SMC1A: variants seen among roughly 807,000 people sequenced by gnomAD.
SMC1A encodes the protein structural maintenance of chromosomes 1A.
Under a neutral mutation model 94.5 loss-of-function variants are expected in SMC1A, and 4 were observed. That is an observed-to-expected ratio of 0.04 (90% CI 0.02 to 0.10). The LOEUF (loss-of-function observed/expected upper bound fraction) is 0.10, where lower values mean the gene tolerates loss of function less well. Among genes scored for constraint, SMC1A ranks in the 10% least tolerant of loss-of-function variants. The pLI, the probability that SMC1A is intolerant of heterozygous loss-of-function variation, is 1.00. For missense variants in SMC1A, 304 were observed against 989.0 expected (o/e 0.31, Z 9.29); for synonymous variants, 345 against 347.7 (o/e 0.99, Z 0.09).
At chrX:53,387,789 T>C (rs2075610898) in intron 19 of SMC1A, among the ~76,000 whole-genome samples, 1 of 111,327 alleles carries the variant, frequency 9.0e-6, no homozygotes. Context: ...TGGCCAAAGA[T>C]GGGACAACCT....
intron 13 of SMC1A, among the ~76,000 whole-genome samples, chrX:53,404,213 G>A (rs1386213320): frequency 1.8e-5 from 2 of 110,616 alleles, no homozygotes; most frequent in African/African-American, 3.3e-5. Context: ...TTTGAGTTTA[G>A]AAAAAGATAT....
rs1222211627 is a variant in SMC1A at position 53,379,374 on chromosome X, A to G, written c.*729T>C. On this transcript the variant is annotated 3_prime_UTR_variant, in exon 25 of 25. Transcript: ENST00000322213. ...CTTAAATGTGACCTCCAGGAAGCCT[A>G]GAGGGGATCACCCACTTCTCAAATT... The G allele has an allele frequency of 8.9e-6, 1 of 111,822 alleles. No individual in the cohort carries two copies. The highest frequency in any genetic ancestry group is 1.9e-5 in the Non-Finnish European group (1 of 53,233). The allele number at this position is 111,822 out of a possible 1,213,427, so 9.2% of individuals were successfully genotyped here. A position where few individuals can be genotyped will look rare whatever the true frequency, so the allele number is the denominator to read the frequency against.
chrX:53,399,862 T>G (rs781822914), intron 15 of SMC1A, 132 bp from the exon 16 acceptor site: 13 of 634,972 alleles, frequency 2.0e-5, no homozygotes, highest in Admixed American at 3.2e-5. Context: ...TGATTTTCAG[T>G]CACAACTTGC....
intron 19 of SMC1A, among the ~76,000 whole-genome samples, chrX:53,387,532 C>A (rs930361437): frequency 1.8e-5 from 2 of 112,131 alleles, no homozygotes; most frequent in African/African-American, 6.5e-5. Flanking sequence ...ATAGCCCAAT[C>A]TATTGAAAAG....
intron 19 of SMC1A, among the ~76,000 whole-genome samples, chrX:53,390,887 G>A (rs782219103): frequency 9.8e-6 from 1 of 102,112 alleles, no homozygotes; most frequent in South Asian, 4.7e-4. Flanking sequence ...AGCTACTTGG[G>A]AGCTTGAGGC....
chrX:53,404,086 G>C (rs782628140), intron 13 of SMC1A, among the ~76,000 whole-genome samples, 193 bp from the exon 14 acceptor site: 1 of 111,498 alleles, frequency 9.0e-6, no homozygotes, highest in Middle Eastern at 4.6e-3. Context: ...CTGGCATCCA[G>C]TTCAGCCAGC....
chrX:53,390,973 C>CAAAAAAAAAAAAAAAAAA (rs782771730), intron 19 of SMC1A, among the ~76,000 whole-genome samples: 5 of 34,317 alleles, frequency 1.5e-4, no homozygotes, highest in Non-Finnish European at 2.2e-4. Context: ...GACTCCGTCT[C>CAAAAAAAAAAAAAAAAAA]AAAAAAAAAA....
chrX:53,401,910 C>CTT (rs1200121305), intron 15 of SMC1A, among the ~76,000 whole-genome samples: 3 of 102,293 alleles, frequency 2.9e-5, no homozygotes, highest in Non-Finnish European at 4.0e-5. Flanking sequence ...TTATTTGCCA[C>CTT]TTTTTTTTTT....
At chrX:53,409,769 C>A (rs2075704247) in intron 7 of SMC1A, among the ~76,000 whole-genome samples, 1 of 111,795 alleles carries the variant, frequency 8.9e-6, no homozygotes, top group Admixed American at 9.5e-5. Context: ...ACCATGGAGG[C>A]TCAAATCAAG....
intron 16 of SMC1A, among the ~76,000 whole-genome samples, chrX:53,397,843 C>A (rs2075657155): frequency 9.0e-6 from 1 of 110,696 alleles, no homozygotes; most frequent in South Asian, 3.8e-4. Flanking sequence ...AGGTATCTAA[C>A]TTGTCTTGCC....
At chrX:53,402,291 A>C (rs1267774867) in intron 15 of SMC1A, among the ~76,000 whole-genome samples, 1 of 110,639 alleles carries the variant, frequency 9.0e-6, no homozygotes, top group Non-Finnish European at 1.9e-5. Flanking sequence ...TCTTACCTCC[A>C]TCTCCCTTGT....
intron 19 of SMC1A, among the ~76,000 whole-genome samples, chrX:53,392,898 C>T (rs1041590309): frequency 8.9e-6 from 1 of 112,114 alleles, no homozygotes; most frequent in East Asian, 2.8e-4. Context: ...AGGACACTTT[C>T]GTCTCACATA....
At chrX:53,383,625 C>T (rs1556886178) in intron 19 of SMC1A, among the ~76,000 whole-genome samples, 2 of 112,732 alleles carry the variant, frequency 1.8e-5, no homozygotes, top group Non-Finnish European at 3.7e-5. Context: ...CCGCTTTGGA[C>T]TCCACTTACA....
At position 53,405,776 on chromosome X, in the gene SMC1A, G is replaced by A. The variant is rs781835493; in HGVS notation, c.1726C>T (p.Leu576=). ...EPETFLPLDY[L]EVKPTDEKLR... ...CAATCCCCAACAAGCCTCACCTCCAGGTAGTCAAGAGGCAAGAAGGTCTCA... is the reference window on the plus strand; with the variant it reads ...CAATCCCCAACAAGCCTCACCTCCAAGTAGTCAAGAGGCAAGAAGGTCTCA... Residue 576 remains leucine, a synonymous_variant, in exon 10 of 25, where the codon CTG becomes TTG. Transcript: ENST00000322213. 8.3e-7 allele frequency: 1 copy of A among 1,208,013 alleles called. No homozygotes were observed. Among genetic ancestry groups the A allele is most frequent in the East Asian group, 3.0e-5 (1 of 33,720 alleles).
chrX:53,415,421 C>T (rs191959591), intron 1 of SMC1A, among the ~76,000 whole-genome samples: 2 of 110,992 alleles, frequency 1.8e-5, no homozygotes, highest in African/African-American at 6.5e-5. Flanking sequence ...AGCGTAGTGA[C>T]TCACACCTGT....
chrX:53,406,748 A>C (rs2146600616), intron 9 of SMC1A, among the ~76,000 whole-genome samples: 1 of 111,965 alleles, frequency 8.9e-6, no homozygotes, highest in Admixed American at 9.5e-5. Flanking sequence ...CCCACGCTGA[A>C]GTGCAGTGGC....
rs1556885985 is a variant in SMC1A at position 53,382,387 on chromosome X, G to A, written c.3286-4C>T. On this transcript the variant is annotated splice_polypyrimidine_tract_variant and splice_region_variant and intron_variant, in intron 21 of 24. Transcript: ENST00000322213. ...GGTTCTCAGGGCCCAGGAATGCCTA[G>A]GGGAAGGCAGATGGGTCAGGATCTG... The A allele has an allele frequency of 5.0e-6, 6 of 1,202,465 alleles. No homozygotes were observed. The Admixed American group carries it at 1.1e-4, about 22-fold the overall frequency.
intron 7 of SMC1A, among the ~76,000 whole-genome samples, chrX:53,411,014 A>G (rs2075710380): frequency 9.6e-6 from 1 of 103,907 alleles, no homozygotes; most frequent in Non-Finnish European, 2.0e-5. Context: ...AAGATTGCTT[A>G]AGCCTGGGAA....
In SMC1A at chrX:53,379,644, G is replaced by A. The variant is rs1238293658; in HGVS notation, c.*459C>T. 3 of 139,901 alleles carry A rather than the reference G, an allele frequency of 2.1e-5. No homozygotes were observed. Among genetic ancestry groups the A allele is most frequent in the South Asian group, 2.3e-4 (1 of 4,369 alleles). 11.5% of individuals were successfully genotyped at this position (139,901 alleles called of 1,213,427 possible). A position where few individuals can be genotyped will look rare whatever the true frequency, so the allele number is the denominator to read the frequency against. On this transcript the variant is annotated 3_prime_UTR_variant, in exon 25 of 25. Coordinates refer to ENST00000322213, the MANE Select transcript of SMC1A (RefSeq NM_006306.4). ...GTCCTGAGTACCTTTGCCCAGCTCA[G>A]GGGTGCTGTCATCCTAAGCTCTCTT...
Sources: gnomAD v4.1 joint callset for allele counts (sites outside exome capture counted in the v4.1 genomes callset) on GRCh38, gnomAD v4.1.1 for gene constraint, MANE v1.5 for transcripts, NCBI Gene and HGNC (gene_info 2026-07-23, HGNC 2026-07-21) for gene names.